The following TM6SF1 variants were observed in gnomAD, a reference collection of about 807,000 sequenced individuals.
TM6SF1 encodes transmembrane 6 superfamily member 1.
In TM6SF1, 43 loss-of-function variants were observed where a neutral mutation model predicts 47.1. That is an observed-to-expected ratio of 0.91 (90% CI 0.72 to 1.18). The LOEUF (loss-of-function observed/expected upper bound fraction) is 1.18, where lower values mean the gene tolerates loss of function less well. Among genes scored for constraint, TM6SF1 ranks in the 50% most tolerant of loss-of-function variants. The pLI, the probability that TM6SF1 is intolerant of heterozygous loss-of-function variation, is 0.00. For synonymous variants in TM6SF1, 177 were observed against 166.3 expected (o/e 1.06, Z -0.49); for missense variants, 390 against 449.0 (o/e 0.87, Z 1.19).
At chr15:83,123,368 C>G (rs1415387564) in intron 6 of TM6SF1, among the ~76,000 whole-genome samples, 1 of 152,184 alleles carries the variant, frequency 6.6e-6, no homozygotes, top group Non-Finnish European at 1.5e-5. Context: ...ATCTGAGACA[C>G]CTCCCTTCCA....
intron 6 of TM6SF1, among the ~76,000 whole-genome samples, chr15:83,123,790 G>A (rs960312392): frequency 4.6e-5 from 7 of 152,206 alleles, no homozygotes; most frequent in Non-Finnish European, 8.8e-5. Flanking sequence ...ATGTCAGTGT[G>A]TCAACAGAGT....
intron 1 of TM6SF1, among the ~76,000 whole-genome samples, chr15:83,108,694 A>G (rs778774575): frequency 2.6e-5 from 4 of 152,162 alleles, no homozygotes; most frequent in African/African-American, 4.8e-5. Flanking sequence ...GTAACCTGCT[A>G]TGTCTCTCAG....
chr15:83,127,719 G>A (rs1306654315), intron 9 of TM6SF1: 3 of 383,030 alleles, frequency 7.8e-6, no homozygotes, highest in Non-Finnish European at 1.4e-5. Flanking sequence ...GTCCAGTGAA[G>A]TTAAATGATT....
Position 83,107,842 on chromosome 15 carries a change from C to T in TM6SF1, c.92+70C>T. ...AGTTGGCTCGCCGCGACGGGAGCCT[C>T]GCAACTTTTCCGAGGGGGCTGGGAC... On this transcript the variant is annotated intron_variant, in intron 1 of 9. Coordinates refer to ENST00000322019, the MANE Select transcript of TM6SF1 (RefSeq NM_023003.5). This position sits in a 1 kb window ranked among gnomAD's most constrained non-coding sequence, Gnocchi z 5.6. 6.6e-7 allele frequency: 1 copy of T among 1,504,804 alleles called. No homozygotes were observed. Among genetic ancestry groups the T allele is most frequent in the Non-Finnish European group, 8.9e-7 (1 of 1,126,134 alleles). 93.2% of individuals were successfully genotyped at this position (1,504,804 alleles called of 1,614,324 possible). A position where few individuals can be genotyped will look rare whatever the true frequency, so the allele number is the denominator to read the frequency against.
At chr15:83,130,348 G>T (rs745777120) in intron 9 of TM6SF1, 1 of 152,606 alleles carries the variant, frequency 6.6e-6, no homozygotes, top group Non-Finnish European at 1.5e-5. Flanking sequence ...CAGCCAAGTG[G>T]TTCTGAGAAG....
At chr15:83,119,049 G>A (rs1252855923) in intron 3 of TM6SF1, among the ~76,000 whole-genome samples, 2 of 152,168 alleles carry the variant, frequency 1.3e-5, no homozygotes, top group Non-Finnish European at 2.9e-5. Flanking sequence ...TGTTGGGAAG[G>A]TAGAAGGAGG....
At chr15:83,117,424 G>A (rs1244537105) in intron 3 of TM6SF1, among the ~76,000 whole-genome samples, 1 of 152,154 alleles carries the variant, frequency 6.6e-6, no homozygotes, top group African/African-American at 2.4e-5. Flanking sequence ...TTGCCTATGA[G>A]AAGGTAGAGA....
At position 83,122,762 on chromosome 15, in the gene TM6SF1, T is replaced by C; in HGVS notation, c.487T>C (p.Tyr163His). ...TCTTTCTCTCTTTTAAATAGGGAAG[T>C]ATGGAACACGAATTTGCCCTGCTTT... ...VFVPGNIVGK[Y>H]GTRICPAFFL... The change falls in exon 6 of 10, where the codon TAT becomes CAT. Residue 163 changes from tyrosine to histidine, a missense_variant. Transcript: ENST00000322019. 1 of 1,613,862 alleles carries C rather than the reference T, an allele frequency of 6.2e-7. No homozygotes were observed. The highest frequency in any genetic ancestry group is 8.5e-7 in the Non-Finnish European group (1 of 1,179,970).
At chr15:83,128,240 T>C (rs34635979) in intron 9 of TM6SF1, 7 of 152,226 alleles carry the variant, frequency 4.6e-5, no homozygotes, top group African/African-American at 1.7e-4. Flanking sequence ...ATTATATGCA[T>C]GGTATAATAA....
At chr15:83,122,990 C>A in intron 6 of TM6SF1, 112 bp downstream of exon 6, 3 of 1,203,986 alleles carry the variant, frequency 2.5e-6, no homozygotes, top group Non-Finnish European at 3.5e-6. Flanking sequence ...TTGGGGCATC[C>A]AAACAGTGCG....
intron 6 of TM6SF1, among the ~76,000 whole-genome samples, chr15:83,123,325 GAGATCCAGGCCCAT>G (rs2151367136): frequency 6.6e-6 from 1 of 152,248 alleles, no homozygotes; most frequent in African/African-American, 2.4e-5. Flanking sequence ...CTTGACTCCA[GAGATCCAGGCCCAT>G]AGAGACTGGC....
intron 3 of TM6SF1, among the ~76,000 whole-genome samples, chr15:83,118,625 G>A (rs1028623514): frequency 3.3e-5 from 5 of 152,308 alleles, no homozygotes; most frequent in African/African-American, 1.2e-4. Context: ...GGAGCATGAA[G>A]CTTAAGAGAA....
At chr15:83,121,707 T>C (rs945182686) in intron 4 of TM6SF1, among the ~76,000 whole-genome samples, 1 of 152,216 alleles carries the variant, frequency 6.6e-6, no homozygotes, top group Admixed American at 6.5e-5. Flanking sequence ...AATTTCCTAT[T>C]TAAAAGGACA....
intron 1 of TM6SF1, among the ~76,000 whole-genome samples, chr15:83,111,030 C>G (rs1419164388): frequency 6.6e-6 from 1 of 152,152 alleles, no homozygotes; most frequent in East Asian, 1.9e-4. Flanking sequence ...GCCACCTCGC[C>G]TGGCTAATTT....
intron 9 of TM6SF1, chr15:83,127,997 T>C (rs2035919781): frequency 6.6e-6 from 1 of 152,606 alleles, no homozygotes; most frequent in Admixed American, 6.5e-5. Flanking sequence ...GAATGCTTAC[T>C]GCGTTTAACT....
chr15:83,112,707 C>G, intron 1 of TM6SF1, 90 bp from the exon 2 acceptor site: 1 of 909,032 alleles, frequency 1.1e-6, no homozygotes, highest in Admixed American at 1.7e-5. Context: ...TTATGCAGCA[C>G]TAGGAGGGAA....
Position 83,112,603 on chromosome 15 carries a change from T to C in TM6SF1, c.93-194T>C, listed in dbSNP as rs2034288555. 5.0e-6 allele frequency: 3 copies of C among 604,056 alleles called. No homozygotes were observed. The South Asian group carries it at 6.0e-5, about 12-fold the overall frequency. 37.4% of individuals were successfully genotyped at this position (604,056 alleles called of 1,614,324 possible). A position where few individuals can be genotyped will look rare whatever the true frequency, so the allele number is the denominator to read the frequency against. ...TGATGGCTTCGGTCCCTGAAAGTCA[T>C]GGGCTGCAGCCCAGATGGGCCAAAG... On this transcript the variant is annotated intron_variant, in intron 1 of 9. Transcript: ENST00000322019.
At chr15:83,124,846 G>C (rs2035588054) in intron 7 of TM6SF1, 70 bp downstream of exon 7, 1 of 1,328,232 alleles carries the variant, frequency 7.5e-7, no homozygotes. Context: ...AAAAAACTTA[G>C]AAATATGTTT....
At chr15:83,124,613 G>C in intron 6 of TM6SF1, 59 bp from the exon 7 acceptor site, 1 of 1,307,530 alleles carries the variant, frequency 7.6e-7, no homozygotes, top group Admixed American at 1.8e-5. Context: ...TAATGTTTCA[G>C]ATTTCAGATT....
Sources: gnomAD v4.1 joint callset for allele counts (sites outside exome capture counted in the v4.1 genomes callset) on GRCh38, gnomAD v4.1.1 for gene constraint, Gnocchi (gnomAD v3.1) non-coding constraint, MANE v1.5 for transcripts, NCBI Gene and HGNC (gene_info 2026-07-23, HGNC 2026-07-21) for gene names.